Variants in GPR55 observed in about 807,000 individuals in gnomAD.
GPR55 encodes the protein G-protein coupled receptor 55.
Under a neutral mutation model 7.9 loss-of-function variants are expected in GPR55, and 6 were observed. The ratio of observed to expected loss-of-function variants is 0.76; its 90% CI spans 0.41 to 1.49. The LOEUF (loss-of-function observed/expected upper bound fraction) is 1.49. Among genes scored for constraint, GPR55 ranks in the 40% most tolerant of loss-of-function variants. The pLI is 0.01. For missense variants in GPR55, 376 were observed against 406.0 expected (o/e 0.93, Z 0.63); for synonymous variants, 183 against 166.8 (o/e 1.10, Z -0.75).
intron 1 of GPR55, among the ~76,000 whole-genome samples, chr2:230,959,707 G>A (rs1574639668): frequency 6.6e-6 from 1 of 152,022 alleles, no homozygotes; most frequent in East Asian, 1.9e-4. Context: ...CAGAGCAACA[G>A]TAATTCTTGA....
At chr2:230,928,300 G>A (rs3111779), upstream of GPR55, among the ~76,000 whole-genome samples, 14,706 of 152,142 alleles carry the variant, frequency 0.097, 744 homozygotes, top group Middle Eastern at 0.14. Flanking sequence ...AGGAGTGGGG[G>A]CGTCAGAGTG....
Position 230,923,835 on chromosome 2 carries a change from G to A in GPR55, c.-135+1333C>T, listed in dbSNP as rs2164870. ...CTCATGTTCTGAGTCTCTCCTCCTC[G>A]CTCACCCTGGCCCCCATCAGCATCA... On this transcript the variant is annotated intron_variant, in intron 1 of 1. Coordinates refer to ENST00000650999, the MANE Select transcript of GPR55 (RefSeq NM_005683.4). The surrounding 1 kb of genome is among the most constrained non-coding windows in gnomAD (Gnocchi z 4.1). Among the ~76,000 whole-genome samples the A allele has an allele frequency of 0.28, 42,449 of 151,690 alleles. 6,428 individuals carry two copies. Among genetic ancestry groups the A allele is most frequent in the East Asian group, 0.41 (2,142 of 5,166 alleles).
chr2:230,931,609 A>T (rs1286434987), intron 1 of GPR55, among the ~76,000 whole-genome samples: 2 of 152,166 alleles, frequency 1.3e-5, no homozygotes, highest in Non-Finnish European at 2.9e-5. Context: ...CCACTTGTTA[A>T]GACGCTGAGC....
At chr2:230,939,202 T>TGG (rs112691432) in intron 1 of GPR55, among the ~76,000 whole-genome samples, 1 of 152,132 alleles carries the variant, frequency 6.6e-6, no homozygotes, top group African/African-American at 2.4e-5. Flanking sequence ...TGTGGAGTTC[T>TGG]GGGGGGGCAG....
In GPR55 at chr2:230,912,605, AT is replaced by A. The variant is rs796544345; in HGVS notation, c.-134-1510del. Among the ~76,000 whole-genome samples the A allele has an allele frequency of 4.2e-3, 645 of 151,958 alleles. 3 individuals are homozygous for A. Among genetic ancestry groups the A allele is most frequent in the African/African-American group, 0.014 (585 of 41,424 alleles). On this transcript the variant is annotated intron_variant, in intron 1 of 1. Transcript: ENST00000650999. Reference sequence around the variant, plus strand: ...CCACCACGCTCACCACCCCTGGCTAATTTTTTGTATTTTTAGTAGAGATCAG... The same window carrying A: ...CCACCACGCTCACCACCCCTGGCTAATTTTTGTATTTTTAGTAGAGATCAG...
intron 1 of GPR55, among the ~76,000 whole-genome samples, chr2:230,919,899 T>C (rs1267726500): frequency 6.6e-6 from 1 of 151,896 alleles, no homozygotes; most frequent in Non-Finnish European, 1.5e-5. Flanking sequence ...CTGACTATGT[T>C]GAGTAAAAAC....
chr2:230,945,912 G>A (rs994081087), intron 1 of GPR55, among the ~76,000 whole-genome samples: 1 of 152,176 alleles, frequency 6.6e-6, no homozygotes, highest in Non-Finnish European at 1.5e-5. Flanking sequence ...ATAATGGCAT[G>A]GTAGTTGCAT....
Position 230,911,070 on chromosome 2 carries a change from C to G in GPR55, c.-108G>C, listed in dbSNP as rs1444923603. ...TCACAAACACCTCCCCAGCATCACA[C>G]AGCAATTCATGCCCATTGAATCACA... On this transcript the variant is annotated 5_prime_UTR_variant, in exon 2 of 2. Transcript: ENST00000650999. 3.5e-6 allele frequency: 4 copies of G among 1,139,120 alleles called. No individual in the cohort carries two copies. The highest frequency in any genetic ancestry group is 5.1e-6 in the Non-Finnish European group (4 of 791,258). 70.6% of individuals were successfully genotyped at this position (1,139,120 alleles called of 1,614,324 possible).
At position 230,957,833 on chromosome 2, in the gene GPR55, A is replaced by C. The variant is rs143823899; in HGVS notation, c.-135+2942T>G. Reference sequence around the variant, plus strand: ...GGATGCTGGTTTCATTGTAGGTATAATTATGCAAAGCAAAGAATCCAGGAA... The same window carrying C: ...GGATGCTGGTTTCATTGTAGGTATACTTATGCAAAGCAAAGAATCCAGGAA... On this transcript the variant is annotated intron_variant, in intron 1 of 1. Coordinates refer to the GPR55 transcript ENST00000392039. 1.4e-4 allele frequency: 84 copies of C among 612,634 alleles called. No individual in the cohort carries two copies. In the African/African-American group the frequency reaches 1.5e-3, roughly 11 times the overall value. 37.9% of individuals were successfully genotyped at this position (612,634 alleles called of 1,614,324 possible). A position where few individuals can be genotyped will look rare whatever the true frequency, so the allele number is the denominator to read the frequency against.
chr2:230,911,513 G>T (rs935383501), intron 1 of GPR55, among the ~76,000 whole-genome samples: 2 of 152,164 alleles, frequency 1.3e-5, no homozygotes, highest in Non-Finnish European at 2.9e-5. Flanking sequence ...ACACCAGAGC[G>T]TTGCATTCCC....
At chr2:230,919,948 A>G (rs998189783) in intron 1 of GPR55, among the ~76,000 whole-genome samples, 4 of 151,820 alleles carry the variant, frequency 2.6e-5, no homozygotes, top group Non-Finnish European at 5.9e-5. Context: ...AATGATTTCA[A>G]CTGTGATTAA....
At chr2:230,920,910 A>G (rs1182306213) in intron 1 of GPR55, among the ~76,000 whole-genome samples, 3 of 152,190 alleles carry the variant, frequency 2.0e-5, no homozygotes, top group Admixed American at 1.3e-4. Context: ...CCAACCATCA[A>G]TTTAAAAAAA....
At chr2:230,938,985 C>T (rs1691176648) in intron 1 of GPR55, among the ~76,000 whole-genome samples, 1 of 152,238 alleles carries the variant, frequency 6.6e-6, no homozygotes. Flanking sequence ...TGGCTCCCAC[C>T]TCGCCGCCTG....
chr2:230,912,728 C>T (rs1388515024), intron 1 of GPR55, among the ~76,000 whole-genome samples: 2 of 152,350 alleles, frequency 1.3e-5, no homozygotes, highest in East Asian at 3.9e-4. Context: ...GCGGGAGGCC[C>T]CGCACCTGTT....
Position 230,910,220 on chromosome 2 carries a change from A to C in GPR55, c.743T>G (p.Leu248Arg). The C allele has an allele frequency of 6.2e-7, 1 of 1,614,102 alleles. No individual in the cohort carries two copies. The highest frequency in any genetic ancestry group is 8.5e-7 in the Non-Finnish European group (1 of 1,179,932). The change falls in exon 2 of 2, where the codon CTG (leucine) becomes CGG (arginine). Residue 248 changes from leucine to arginine, a missense_variant. Transcript: ENST00000650999. This position sits in a 1 kb window ranked among gnomAD's most constrained non-coding sequence, Gnocchi z 5.4. The part of the protein sequence containing the change: ...SFLPVHLGFF[L>R]QFLVRNSFIV... ...AAAGCTGTTTCTCACCAGGAACTGCAGGAAGAACCCCAGGTGGACTGGGAG... is the reference window on the plus strand; with the variant it reads ...AAAGCTGTTTCTCACCAGGAACTGCCGGAAGAACCCCAGGTGGACTGGGAG...
upstream of GPR55, chr2:230,929,436 G>C (rs558938243): frequency 2.0e-5 from 3 of 152,328 alleles, no homozygotes; most frequent in South Asian, 6.2e-4. Context: ...AACACGCAAG[G>C]GGGCAGCAAC....
At chr2:230,952,197 A>G (rs1415731665) in intron 1 of GPR55, among the ~76,000 whole-genome samples, 2 of 152,244 alleles carry the variant, frequency 1.3e-5, no homozygotes, top group African/African-American at 4.8e-5. Flanking sequence ...CTATAGGGAC[A>G]GGGAAAGCCT....
At chr2:230,926,682 CTTT>C (rs56318183), upstream of GPR55, among the ~76,000 whole-genome samples, 109 of 100,966 alleles carry the variant, frequency 1.1e-3, no homozygotes, top group African/African-American at 1.6e-3. Flanking sequence ...TGGCTACCTT[CTTT>C]TTTTTTTTTT....
chr2:230,949,345 G>A (rs922573612), intron 1 of GPR55, among the ~76,000 whole-genome samples: 5 of 152,188 alleles, frequency 3.3e-5, no homozygotes, highest in African/African-American at 1.2e-4. Flanking sequence ...TGTATTTTTA[G>A]TAGAGACGGG....
Sources: allele counts gnomAD v4.1 joint callset (sites outside exome capture counted in the v4.1 genomes callset), GRCh38; gene constraint gnomAD v4.1.1; non-coding constraint Gnocchi (gnomAD v3.1); transcripts MANE v1.5; gene names NCBI Gene and HGNC (gene_info 2026-07-23, HGNC 2026-07-21).